TBC1D9: variants seen among roughly 807,000 people sequenced by gnomAD.
The protein encoded by TBC1D9 is TBC1 domain family member 9.
TBC1D9 carries 63 observed loss-of-function variants against 132.0 expected under a neutral mutation model. The ratio of observed to expected loss-of-function variants is 0.48; its 90% CI spans 0.39 to 0.59. The LOEUF (loss-of-function observed/expected upper bound fraction) is 0.59. Among genes scored for constraint, TBC1D9 ranks in the 20% least tolerant of loss-of-function variants. The pLI is 0.00. For synonymous variants in TBC1D9, 610 were observed against 609.9 expected (o/e 1.00, Z 0.00); for missense variants, 1,261 against 1,592.7 (o/e 0.79, Z 3.54).
intron 2 of TBC1D9, among the ~76,000 whole-genome samples, chr4:140,694,508 T>A (rs998288394): frequency 2.0e-5 from 3 of 150,842 alleles, no homozygotes; most frequent in African/African-American, 7.3e-5. Flanking sequence ...GAGTTAGAGG[T>A]TGCAGTAGGC....
intron 16 of TBC1D9, among the ~76,000 whole-genome samples, chr4:140,633,647 T>C (rs921745559): frequency 1.3e-5 from 2 of 152,150 alleles, no homozygotes; most frequent in African/African-American, 4.8e-5. Context: ...TTTTGTCAAA[T>C]AGTAGTAATC....
chr4:140,660,865 T>C (rs1042318766), intron 10 of TBC1D9, among the ~76,000 whole-genome samples: 1 of 152,064 alleles, frequency 6.6e-6, no homozygotes, highest in African/African-American at 2.4e-5. Flanking sequence ...TCTTTTAGCT[T>C]TTGCTGGATG....
In TBC1D9 at chr4:140,725,369, C is replaced by T. The variant is rs184288071; in HGVS notation, c.131-23755G>A. Reference sequence around the variant, plus strand: ...TGCACCTGATTGTGTGTTCAGAGTTCCAAGTTAAGGAATTCAAGAGGAGCC... The same window carrying T: ...TGCACCTGATTGTGTGTTCAGAGTTTCAAGTTAAGGAATTCAAGAGGAGCC... On this transcript the variant is annotated intron_variant, in intron 1 of 20. Transcript: ENST00000442267. Among the ~76,000 whole-genome samples, 56 of 152,190 alleles carry T rather than the reference C, an allele frequency of 3.7e-4. 1 individual carries two copies. The highest frequency in any genetic ancestry group is 1.3e-3 in the African/African-American group (55 of 41,522).
At chr4:140,650,915 A>G (rs758767670) in intron 13 of TBC1D9, among the ~76,000 whole-genome samples, 41 of 152,214 alleles carry the variant, frequency 2.7e-4, no homozygotes, top group Non-Finnish European at 4.7e-4. Flanking sequence ...TGGACATTGT[A>G]GAAAAGGCAC....
chr4:140,627,201 T>G (rs941048575), intron 18 of TBC1D9, among the ~76,000 whole-genome samples: 1 of 152,210 alleles, frequency 6.6e-6, no homozygotes, highest in Non-Finnish European at 1.5e-5. Context: ...AGTATACAGC[T>G]CTATAGGACA....
intron 13 of TBC1D9, among the ~76,000 whole-genome samples, chr4:140,640,768 G>A (rs1228206554): frequency 6.6e-6 from 1 of 152,002 alleles, no homozygotes; most frequent in African/African-American, 2.4e-5. Flanking sequence ...CTTATATACT[G>A]CTGGTTGGAG....
rs375019047 is a variant in TBC1D9 at position 140,634,067 on chromosome 4, G to A, written c.2627C>T (p.Ala876Val). The A allele has an allele frequency of 6.2e-7, 1 of 1,613,896 alleles. No homozygotes were observed. Among genetic ancestry groups the A allele is most frequent in the African/African-American group, 1.3e-5 (1 of 74,914 alleles). ...TCCACATGCCCAAGGAAAGAGAAGAGCAAACATTCCCTTGAACTGCTCGAA... is the reference window on the plus strand; with the variant it reads ...TCCACATGCCCAAGGAAAGAGAAGAACAAACATTCCCTTGAACTGCTCGAA... ...IDFEQFKGMFALLFPWACGTH... is the reference protein window; with the variant it reads ...IDFEQFKGMFVLLFPWACGTH... Residue 876 changes from alanine to valine, a missense_variant, in exon 16 of 21, where the codon GCT becomes GTT. By Grantham distance (64) the Ala-to-Val change is moderately conservative (BLOSUM62 0). This residue lies in a region of TBC1D9 where 618 missense variants were observed against 724.4 expected (regional missense o/e 0.85). Coordinates refer to ENST00000442267, the MANE Select transcript of TBC1D9 (RefSeq NM_015130.3).
At chr4:140,743,662 A>G (rs1738794611) in intron 1 of TBC1D9, among the ~76,000 whole-genome samples, 1 of 152,116 alleles carries the variant, frequency 6.6e-6, no homozygotes, top group Admixed American at 6.6e-5. Flanking sequence ...AAGACTCAGA[A>G]CTCAAGGTGG....
intron 13 of TBC1D9, among the ~76,000 whole-genome samples, chr4:140,646,053 T>C (rs973410093): frequency 2.6e-5 from 4 of 152,214 alleles, no homozygotes; most frequent in Non-Finnish European, 4.4e-5. Context: ...CACCACTTAC[T>C]CTATGGCAGA....
intron 1 of TBC1D9, among the ~76,000 whole-genome samples, chr4:140,709,246 T>TCACACACACACA (rs1177824383): frequency 4.9e-5 from 5 of 102,378 alleles, no homozygotes; most frequent in African/African-American, 2.3e-4. Context: ...TCTCTCTCTC[T>TCACACACACACA]CTCACACACA....
chr4:140,659,599 G>A lies in TBC1D9; in HGVS notation c.1910C>T (p.Thr637Ile). 6.3e-7 allele frequency: 1 copy of A among 1,594,758 alleles called. No individual in the cohort carries two copies. Among genetic ancestry groups the A allele is most frequent in the Non-Finnish European group, 8.5e-7 (1 of 1,170,122 alleles). The change falls in exon 11 of 21, where the codon ACC (threonine) becomes ATC (isoleucine). Residue 637 changes from threonine to isoleucine, a missense_variant. Transcript: ENST00000442267. ...GCATCTCCACTTACCCACAACTCTG[G>A]TGTTGTAGTAATCTGGGAGCATGCG... ...CERMLPDYYN[T>I]RVVGALVDQG...
rs1373334942 is a variant in TBC1D9 at position 140,654,822 on chromosome 4, A to AT, written c.2337+2274dup. Among the ~76,000 whole-genome samples, 7 of 152,076 alleles carry AT rather than the reference A, an allele frequency of 4.6e-5. No homozygotes were observed. In the East Asian group the frequency reaches 1.4e-3, roughly 29 times the overall value. ...TGATCATTCTTTTTTTTTTAATCTAATTTTTTTAATCCAAACTTTTAATGT... is the reference window on the plus strand; with the variant it reads ...TGATCATTCTTTTTTTTTTAATCTAATTTTTTTTAATCCAAACTTTTAATGT... On this transcript the variant is annotated intron_variant, in intron 13 of 20. Coordinates refer to ENST00000442267, the MANE Select transcript of TBC1D9 (RefSeq NM_015130.3).
intron 1 of TBC1D9, among the ~76,000 whole-genome samples, chr4:140,744,199 T>C (rs1738803513): frequency 2.0e-5 from 3 of 152,128 alleles, no homozygotes; most frequent in Admixed American, 6.6e-5. Flanking sequence ...AGCATTTTCC[T>C]ATTAATAATA....
At chr4:140,686,577 C>CTT in intron 2 of TBC1D9, 115 bp from the exon 3 acceptor site, 2 of 650,782 alleles carry the variant, frequency 3.1e-6, no homozygotes, top group Non-Finnish European at 5.3e-6. Flanking sequence ...GGACCAAGAG[C>CTT]TTTGCCTTTA....
In TBC1D9 at chr4:140,642,419, T is replaced by G. The variant is rs1470818889; in HGVS notation, c.2338-2991A>C. The G allele has an allele frequency of 5.7e-6, 5 of 882,590 alleles. No homozygotes were observed. In the East Asian group the frequency reaches 1.3e-4, roughly 23 times the overall value. The allele number at this position is 882,590 out of a possible 1,614,324, so 54.7% of individuals were successfully genotyped here. A position where few individuals can be genotyped will look rare whatever the true frequency, so the allele number is the denominator to read the frequency against. ...CGGAGGCCCTTGGCCAGCACCTTCC[T>G]GTCCTTGCCCAGCAGGCTGTCATAA... On this transcript the variant is annotated intron_variant, in intron 13 of 20. Coordinates refer to ENST00000442267, the MANE Select transcript of TBC1D9 (RefSeq NM_015130.3).
At chr4:140,636,225 A>T (rs1395605956) in intron 15 of TBC1D9, among the ~76,000 whole-genome samples, 1 of 152,114 alleles carries the variant, frequency 6.6e-6, no homozygotes, top group East Asian at 1.9e-4. Flanking sequence ...TTCAAGAGAA[A>T]CCAGGGCAAA....
chr4:140,673,094 A>G (rs1160200846), intron 6 of TBC1D9, among the ~76,000 whole-genome samples: 1 of 152,066 alleles, frequency 6.6e-6, no homozygotes, highest in Non-Finnish European at 1.5e-5. Flanking sequence ...CAGGAGGTGG[A>G]AGAGGAGGCT....
At chr4:140,647,213 A>G (rs979293797) in intron 13 of TBC1D9, among the ~76,000 whole-genome samples, 5 of 152,192 alleles carry the variant, frequency 3.3e-5, no homozygotes, top group Non-Finnish European at 7.3e-5. Context: ...TGCACCTTAC[A>G]ATAACTTTAG....
At chr4:140,637,101 C>T (rs1198519366) in intron 15 of TBC1D9, among the ~76,000 whole-genome samples, 1 of 152,134 alleles carries the variant, frequency 6.6e-6, no homozygotes, top group Non-Finnish European at 1.5e-5. Flanking sequence ...CCTGTAATCC[C>T]AGCACTTTGG....
Sources: allele counts gnomAD v4.1 joint callset (sites outside exome capture counted in the v4.1 genomes callset), GRCh38; gene constraint gnomAD v4.1.1; regional missense constraint gnomAD v4.1.1; transcripts MANE v1.5; gene names NCBI Gene and HGNC (gene_info 2026-07-23, HGNC 2026-07-21).